SLC30A8: variants seen among roughly 807,000 people sequenced by gnomAD.
The protein encoded by SLC30A8 is solute carrier family 30 member 8.
A neutral mutation model predicts 36.9 loss-of-function variants in SLC30A8; 27 were observed. That is an observed-to-expected ratio of 0.73 (90% CI 0.54 to 1.01). The LOEUF is 1.01. SLC30A8 is among the 50% of genes least tolerant of loss of function. The pLI is 0.00. For synonymous variants in SLC30A8, 164 were observed against 172.4 expected (o/e 0.95, Z 0.38); for missense variants, 439 against 452.0 (o/e 0.97, Z 0.26).
chr8:117,037,102 T>A (rs1253225749), intron 1 of SLC30A8, among the ~76,000 whole-genome samples: 1 of 152,220 alleles, frequency 6.6e-6, no homozygotes, highest in Non-Finnish European at 1.5e-5. Context: ...CATGAAAAAT[T>A]AAAATTCTTT....
At chr8:117,095,467 A>G (rs1174774545) in intron 2 of SLC30A8, among the ~76,000 whole-genome samples, 1 of 151,782 alleles carries the variant, frequency 6.6e-6, no homozygotes, top group Non-Finnish European at 1.5e-5. Flanking sequence ...TTTTTTGCAT[A>G]AAAATATATT....
chr8:117,045,934 CTTCTTTTTTCT>C (rs1364495208), intron 2 of SLC30A8, among the ~76,000 whole-genome samples: 1 of 151,520 alleles, frequency 6.6e-6, no homozygotes, highest in Non-Finnish European at 1.5e-5. Flanking sequence ...TTTTTTCCCC[CTTCTTTTTTCT>C]TTCTTTTTTT....
upstream of SLC30A8, among the ~76,000 whole-genome samples, chr8:117,130,800 T>TA (rs1415518473): frequency 6.6e-6 from 1 of 151,978 alleles, no homozygotes; most frequent in East Asian, 1.9e-4. Context: ...TTTTGAGGGT[T>TA]AATTAGTTCA....
At chr8:117,114,176 A>G (rs1586539669) in intron 2 of SLC30A8, among the ~76,000 whole-genome samples, 2 of 152,226 alleles carry the variant, frequency 1.3e-5, no homozygotes, top group South Asian at 2.1e-4. Context: ...CCAAACATTT[A>G]TATTGTTTCT....
chr8:117,087,830 A>G (rs1035708304), intron 2 of SLC30A8, among the ~76,000 whole-genome samples: 5 of 151,938 alleles, frequency 3.3e-5, no homozygotes, highest in African/African-American at 1.2e-4. Context: ...AAAGTTTTTT[A>G]TATTCATTTT....
In SLC30A8 at chr8:117,063,469, T is replaced by C. The variant is rs185800942; in HGVS notation, c.-226+24211T>C. ...AAAATATAAATCAGGCCATTTTTTT[T>C]CCCCAAAGCAGACAACAATTTCAAA... On this transcript the variant is annotated intron_variant, in intron 2 of 10. Transcript: ENST00000427715. Among the ~76,000 whole-genome samples, 486 of 152,286 alleles carry C rather than the reference T, an allele frequency of 3.2e-3. 1 individual carries two copies. Among genetic ancestry groups the C allele is most frequent in the African/African-American group, 0.011 (443 of 41,560 alleles).
At chr8:117,093,037 T>TTACCTTATC (rs1231177592) in intron 2 of SLC30A8, among the ~76,000 whole-genome samples, 1 of 152,118 alleles carries the variant, frequency 6.6e-6, no homozygotes, top group African/African-American at 2.4e-5. Context: ...TAGTCTATCC[T>TTACCTTATC]TACCAGGGGC....
intron 1 of SLC30A8, among the ~76,000 whole-genome samples, chr8:117,026,887 A>G (rs564191139): frequency 7.9e-5 from 12 of 152,180 alleles, no homozygotes; most frequent in Non-Finnish European, 1.6e-4. Context: ...GTGAGTGACT[A>G]ATCTGAGGTC....
chr8:116,954,469 AAGAG>A (rs912107427), intron 1 of SLC30A8, among the ~76,000 whole-genome samples: 5 of 144,012 alleles, frequency 3.5e-5, no homozygotes, highest in African/African-American at 1.5e-4. Flanking sequence ...AAAGCTATTA[AAGAG>A]AGAGAGAGTA....
chr8:116,993,615 CAT>C (rs200475464), intron 1 of SLC30A8, among the ~76,000 whole-genome samples: 2,340 of 151,982 alleles, frequency 0.015, 28 homozygotes, highest in Admixed American at 0.021. Flanking sequence ...AGTTGAAAAA[CAT>C]GTGACAATAT....
chr8:116,976,668 A>G (rs1446049234), intron 1 of SLC30A8, among the ~76,000 whole-genome samples: 2 of 152,156 alleles, frequency 1.3e-5, no homozygotes, highest in African/African-American at 2.4e-5. Flanking sequence ...GGCAATTGAC[A>G]GGGAATCATT....
intron 2 of SLC30A8, among the ~76,000 whole-genome samples, chr8:117,073,749 G>A (rs1195313841): frequency 6.6e-6 from 1 of 151,984 alleles, no homozygotes; most frequent in Non-Finnish European, 1.5e-5. Context: ...TCTCAAAAGA[G>A]ATATTATTTT....
At chr8:116,976,817 TC>T (rs1815036155) in intron 1 of SLC30A8, among the ~76,000 whole-genome samples, 1 of 140,056 alleles carries the variant, frequency 7.1e-6, no homozygotes, top group Non-Finnish European at 1.5e-5. Context: ...TTTCTTTCTT[TC>T]TTTCTTTTTT....
chr8:117,030,849 A>T (rs566864446), intron 1 of SLC30A8, among the ~76,000 whole-genome samples: 1 of 152,296 alleles, frequency 6.6e-6, no homozygotes, highest in Admixed American at 6.5e-5. Flanking sequence ...CTTGACCTTT[A>T]TTCAGGGGTA....
At chr8:117,016,207 T>C (rs1354237621) in intron 1 of SLC30A8, among the ~76,000 whole-genome samples, 1 of 152,120 alleles carries the variant, frequency 6.6e-6, no homozygotes, top group Non-Finnish European at 1.5e-5. Context: ...CCCAGGAAAG[T>C]AGTTTGTGGA....
At chr8:117,031,687 C>T (rs995407074) in intron 1 of SLC30A8, among the ~76,000 whole-genome samples, 5 of 152,140 alleles carry the variant, frequency 3.3e-5, no homozygotes, top group African/African-American at 9.7e-5. Context: ...TGGTCTCAAA[C>T]CCCTGACTTC....
chr8:117,168,804 G>A (rs1268604567), intron 6 of SLC30A8, among the ~76,000 whole-genome samples: 1 of 152,090 alleles, frequency 6.6e-6, no homozygotes, highest in African/African-American at 2.4e-5. Context: ...TAGTATTTGC[G>A]TAACACTTTA....
At position 117,163,411 on chromosome 8, in the gene SLC30A8, G is replaced by GTT; in HGVS notation, c.724-6_724-5dup. 9.7e-6 allele frequency: 15 copies of GTT among 1,539,162 alleles called. No homozygotes were observed. Among genetic ancestry groups the GTT allele is most frequent in the South Asian group, 2.3e-5 (2 of 85,292 alleles). On this transcript the variant is annotated splice_polypyrimidine_tract_variant and intron_variant, in intron 5 of 7. Coordinates refer to ENST00000456015, the MANE Select transcript of SLC30A8 (RefSeq NM_173851.3). Reference sequence around the variant, plus strand: ...ATGAATTCAGTTAACCAAAATCCCTGTTTTTTTTTCTAGCCAGAGTATAAA... The same window carrying GTT: ...ATGAATTCAGTTAACCAAAATCCCTGTTTTTTTTTTTCTAGCCAGAGTATAAA...
intron 1 of SLC30A8, among the ~76,000 whole-genome samples, chr8:117,006,526 G>T (rs1388023752): frequency 6.6e-6 from 1 of 152,128 alleles, no homozygotes; most frequent in Admixed American, 6.5e-5. Context: ...CCACAGAGGA[G>T]TTCCATTCCT....
Sources: allele counts gnomAD v4.1 joint callset (sites outside exome capture counted in the v4.1 genomes callset), GRCh38; gene constraint gnomAD v4.1.1; transcripts MANE v1.5; gene names NCBI Gene and HGNC (gene_info 2026-07-23, HGNC 2026-07-21).